Variants in RIMS2 observed in about 807,000 individuals in gnomAD.
RIMS2 encodes the protein regulating synaptic membrane exocytosis protein 2.
In RIMS2, 59 loss-of-function variants were observed where a neutral mutation model predicts 174.4. The observed-to-expected ratio is 0.34, with a 90% CI of 0.27 to 0.42. The LOEUF is 0.42. Among genes scored for constraint, RIMS2 ranks in the 10% least tolerant of loss-of-function variants. The pLI, the probability that RIMS2 is intolerant of heterozygous loss-of-function variation, is 1.00. For synonymous variants in RIMS2, 606 were observed against 572.5 expected, an observed-to-expected ratio of 1.06 and a Z score of -0.84; for missense variants, 1,620 against 1,666.3, an observed-to-expected ratio of 0.97 and a Z score of 0.48.
intron 1 of RIMS2, among the ~76,000 whole-genome samples, chr8:103,644,131 G>T (rs1329115622): frequency 6.6e-6 from 1 of 151,604 alleles, no homozygotes; most frequent in Non-Finnish European, 1.5e-5. Context: ...GTTGGCACCC[G>T]TAAGACTGAG....
At chr8:103,735,056 A>G (rs1026852884) in intron 2 of RIMS2, among the ~76,000 whole-genome samples, 4 of 152,152 alleles carry the variant, frequency 2.6e-5, no homozygotes, top group African/African-American at 9.7e-5. Context: ...TGCTACACCA[A>G]CCCACACTCA....
intron 19 of RIMS2, among the ~76,000 whole-genome samples, chr8:104,061,481 A>G (rs768918207): frequency 6.6e-6 from 1 of 151,976 alleles, no homozygotes; most frequent in Non-Finnish European, 1.5e-5. Flanking sequence ...TGTAAAATTT[A>G]TAAATCATGT....
At chr8:104,105,426 T>C (rs2098027476) in intron 19 of RIMS2, among the ~76,000 whole-genome samples, 1 of 152,206 alleles carries the variant, frequency 6.6e-6, no homozygotes, top group Admixed American at 6.5e-5. Context: ...TAAAGGTTGG[T>C]ATTGCATTGT....
chr8:104,059,779 AG>A (rs1334124297), intron 19 of RIMS2, among the ~76,000 whole-genome samples: 8 of 152,070 alleles, frequency 5.3e-5, no homozygotes, highest in African/African-American at 7.2e-5. Flanking sequence ...TTTAGCATGA[AG>A]GGTTGTTGAA....
chr8:104,167,133 C>G (rs890546941), intron 19 of RIMS2, among the ~76,000 whole-genome samples: 15 of 152,136 alleles, frequency 9.9e-5, no homozygotes, highest in Non-Finnish European at 1.5e-5. Context: ...TGGGTGGATA[C>G]CCAGTAGTGG....
intron 13 of RIMS2, among the ~76,000 whole-genome samples, chr8:103,937,656 A>G (rs1447729589): frequency 6.6e-6 from 1 of 152,218 alleles, no homozygotes; most frequent in African/African-American, 2.4e-5. Flanking sequence ...AGAGAGAGGA[A>G]TTTAGCAAAT....
rs562360362 is a variant in RIMS2, at chr8:103,967,347, C to A, written c.2770+6214C>A. On this transcript the variant is annotated intron_variant, in intron 15 of 23. Coordinates refer to ENST00000504942, the Ensembl canonical transcript of RIMS2. ...CTGGGATTACAGGCATGTGCCACTA[C>A]ATCTGGCTAATTTGTTTTGTATTTT... is the stretch of plus-strand genomic sequence containing the variant. 2.7e-3 allele frequency among the ~76,000 whole-genome samples: 411 copies of A among 151,396 alleles called. 1 individual carries two copies. The highest frequency in any genetic ancestry group is 0.01 in the Middle Eastern group (3 of 288).
At chr8:103,943,790 G>A (rs140529542) in intron 14 of RIMS2, among the ~76,000 whole-genome samples, 12 of 152,152 alleles carry the variant, frequency 7.9e-5, no homozygotes, top group Admixed American at 7.9e-4. Flanking sequence ...ATATCTTTAC[G>A]GAGACAGCAT....
chr8:103,839,382 A>G (rs897028198), intron 3 of RIMS2, among the ~76,000 whole-genome samples: 1 of 152,204 alleles, frequency 6.6e-6, no homozygotes, highest in East Asian at 1.9e-4. Flanking sequence ...TCAGGCAGCT[A>G]AATTAAGGAG....
chr8:103,751,851 T>C (rs1259286145), intron 2 of RIMS2, among the ~76,000 whole-genome samples: 3 of 151,832 alleles, frequency 2.0e-5, no homozygotes, highest in East Asian at 3.9e-4. Flanking sequence ...ATATTAGCCC[T>C]TTGTCAGATG....
chr8:104,084,563 C>G (rs79100905), intron 19 of RIMS2, among the ~76,000 whole-genome samples: 5,783 of 151,564 alleles, frequency 0.038, 242 homozygotes, highest in East Asian at 0.2. Flanking sequence ...GGACAATGCC[C>G]TTTCGTTTTT....
At chr8:103,656,116 T>C (rs1322363543) in intron 1 of RIMS2, among the ~76,000 whole-genome samples, 1 of 152,054 alleles carries the variant, frequency 6.6e-6, no homozygotes, top group Admixed American at 6.6e-5. Flanking sequence ...TGAAATGATA[T>C]GATTTGTCAG....
chr8:103,797,618 G>T (rs1460304398), intron 3 of RIMS2, among the ~76,000 whole-genome samples: 1 of 152,126 alleles, frequency 6.6e-6, no homozygotes, highest in African/African-American at 2.4e-5. Context: ...ATGCATAAAA[G>T]AATTAAACTA....
intron 2 of RIMS2, among the ~76,000 whole-genome samples, chr8:103,718,794 A>C: frequency 6.6e-6 from 1 of 152,008 alleles, no homozygotes; most frequent in Admixed American, 6.6e-5. Context: ...CAGCCTCCCA[A>C]GTGGCTGGGA....
At chr8:104,009,620 A>G (rs1597058542) in intron 17 of RIMS2, among the ~76,000 whole-genome samples, 1 of 152,222 alleles carries the variant, frequency 6.6e-6, no homozygotes, top group Middle Eastern at 3.4e-3. Context: ...AGCTTATTCT[A>G]TACAGTATGG....
chr8:103,851,692 C>CACACAG (rs3219929), intron 3 of RIMS2, among the ~76,000 whole-genome samples: 2 of 129,554 alleles, frequency 1.5e-5, no homozygotes, highest in Non-Finnish European at 3.3e-5. Context: ...CACACACACA[C>CACACAG]AGGCAACTCA....
At chr8:103,521,200 G>T (rs1300135190) in intron 1 of RIMS2, among the ~76,000 whole-genome samples, 2 of 151,238 alleles carry the variant, frequency 1.3e-5, no homozygotes, top group Non-Finnish European at 2.9e-5. Flanking sequence ...AGGAGTTAAT[G>T]GGTGCAGCAC....
chr8:103,798,915 CTTT>C (rs376864472), intron 3 of RIMS2, among the ~76,000 whole-genome samples: 4 of 134,724 alleles, frequency 3.0e-5, no homozygotes, highest in South Asian at 2.4e-4. Flanking sequence ...AGGTAGAAAA[CTTT>C]TTTTTTTTTT....
chr8:104,078,730 T>C (rs916928310), intron 19 of RIMS2, among the ~76,000 whole-genome samples: 1 of 152,244 alleles, frequency 6.6e-6, no homozygotes, highest in African/African-American at 2.4e-5. Flanking sequence ...AGAATGTGAA[T>C]AGGGATTTTT....
Sources: allele counts gnomAD v4.1 joint callset (sites outside exome capture counted in the v4.1 genomes callset), GRCh38; gene constraint gnomAD v4.1.1; transcripts MANE v1.5; gene names NCBI Gene and HGNC (gene_info 2026-07-23, HGNC 2026-07-21).